The following EXOC4 variants were observed in gnomAD, a reference collection of about 807,000 sequenced individuals.
EXOC4 encodes the protein SEC8-like 1.
EXOC4 carries 71 observed loss-of-function variants against 107.2 expected under a neutral mutation model. The ratio of observed to expected loss-of-function variants is 0.66; its 90% CI spans 0.55 to 0.81. EXOC4 has a LOEUF of 0.81. EXOC4 is among the 30% of genes least tolerant of loss of function. EXOC4 has a pLI of 0.00. For missense variants in EXOC4, 1,108 were observed against 1,189.6 expected, an observed-to-expected ratio of 0.93 and a Z score of 1.01; for synonymous variants, 456 against 441.2, an observed-to-expected ratio of 1.03 and a Z score of -0.42.
rs1795746064 is a variant in EXOC4 at position 133,344,709 on chromosome 7, G to A, written c.764-11621G>A. On this transcript the variant is annotated intron_variant, in intron 5 of 17. Coordinates refer to ENST00000253861, the MANE Select transcript of EXOC4 (RefSeq NM_021807.4). ...CTTTTACATCCCATCCCTATAGTCA[G>A]CTCTGTGATCTGTCTAGATACCTTT... Among the ~76,000 whole-genome samples the A allele has an allele frequency of 2.0e-5, 3 of 152,144 alleles. No individual in the cohort carries two copies. The South Asian group carries it at 6.2e-4, about 31-fold the overall frequency.
chr7:134,063,489 A>C (rs903434369), intron 17 of EXOC4, among the ~76,000 whole-genome samples: 4 of 152,178 alleles, frequency 2.6e-5, no homozygotes, highest in African/African-American at 7.2e-5. Context: ...TGATGTGGGC[A>C]AGCCCTCTAA....
intron 4 of EXOC4, among the ~76,000 whole-genome samples, chr7:133,316,553 T>G (rs779256731): frequency 2.0e-5 from 3 of 152,196 alleles, no homozygotes; most frequent in Non-Finnish European, 2.9e-5. Context: ...GGGAATTAAT[T>G]GGAAATTTTG....
chr7:133,287,918 G>A (rs1261777994), intron 2 of EXOC4, among the ~76,000 whole-genome samples: 1 of 152,092 alleles, frequency 6.6e-6, no homozygotes, highest in African/African-American at 2.4e-5. Context: ...TAGACTCTTT[G>A]CACTGATGGA....
chr7:133,356,709 A>G, intron 6 of EXOC4, 136 bp downstream of exon 6: 1 of 1,020,298 alleles, frequency 9.8e-7, no homozygotes, highest in South Asian at 1.7e-5. Context: ...GGCCAGGCGC[A>G]GTGGCTCACG....
At chr7:133,995,979 T>G (rs1464693764) in intron 14 of EXOC4, among the ~76,000 whole-genome samples, 2 of 152,148 alleles carry the variant, frequency 1.3e-5, no homozygotes, top group African/African-American at 4.8e-5. Context: ...AGAGAGCCTC[T>G]TTCTTCCAAA....
At chr7:133,657,947 C>A (rs1412948157) in intron 10 of EXOC4, among the ~76,000 whole-genome samples, 1 of 152,166 alleles carries the variant, frequency 6.6e-6, no homozygotes, top group African/African-American at 2.4e-5. Context: ...TTCCAACCCT[C>A]ATGGTGCTCA....
intron 9 of EXOC4, among the ~76,000 whole-genome samples, chr7:133,567,705 AG>A (rs1800934907): frequency 6.6e-6 from 1 of 152,190 alleles, no homozygotes; most frequent in Non-Finnish European, 1.5e-5. Flanking sequence ...GGAAAGTCCC[AG>A]AGCATGGCAC....
chr7:134,012,009 A>T (rs1320211350), intron 17 of EXOC4, among the ~76,000 whole-genome samples: 1 of 152,232 alleles, frequency 6.6e-6, no homozygotes, highest in East Asian at 1.9e-4. Context: ...GCATACACTT[A>T]ACATCTGAAG....
Position 133,698,206 on chromosome 7 carries a change from C to T in EXOC4, c.1514+68065C>T, listed in dbSNP as rs377530604. ...TCTCTGTATCAGTGCCTTTCCGCGG[C>T]GGGGGTGGTGGTGGGGGAATCCTGG... On this transcript the variant is annotated intron_variant, in intron 10 of 17. Coordinates refer to ENST00000253861, the MANE Select transcript of EXOC4 (RefSeq NM_021807.4). 6.0e-5 allele frequency among the ~76,000 whole-genome samples: 9 copies of T among 150,792 alleles called. No individual in the cohort carries two copies. The East Asian group carries it at 1.2e-3, about 20-fold the overall frequency.
intron 17 of EXOC4, among the ~76,000 whole-genome samples, chr7:134,019,637 A>C (rs1031748903): frequency 6.6e-6 from 1 of 152,248 alleles, no homozygotes; most frequent in Admixed American, 6.5e-5. Context: ...CCTAGTTTAC[A>C]TAAGAAGAGA....
rs944946626 is a variant in EXOC4, at chr7:134,007,874, C to G, written c.2687+39C>G. The G allele has an allele frequency of 3.8e-6, 6 of 1,568,510 alleles. No individual in the cohort carries two copies. The African/African-American group carries it at 5.4e-5, about 14-fold the overall frequency. On this transcript the variant is annotated intron_variant, in intron 17 of 17. Coordinates refer to ENST00000253861, the MANE Select transcript of EXOC4 (RefSeq NM_021807.4). ...CTGGGTTTAGTTTCTTATGCCAAAG[C>G]TAAGACCTCGTTGCCTGTGAAGTCA... is the stretch of plus-strand genomic sequence containing the variant.
At chr7:133,905,888 G>C (rs927662765) in intron 12 of EXOC4, among the ~76,000 whole-genome samples, 2 of 152,096 alleles carry the variant, frequency 1.3e-5, no homozygotes, top group Admixed American at 1.3e-4. Context: ...CTGGCACGGG[G>C]CTAGGCAGCT....
chr7:133,487,642 G>A (rs1282763802), intron 9 of EXOC4, among the ~76,000 whole-genome samples: 2 of 152,260 alleles, frequency 1.3e-5, no homozygotes, highest in East Asian at 3.9e-4. Context: ...CTAGGAGGTG[G>A]AGGTTGCAGT....
chr7:133,539,182 A>G (rs2150929460), intron 9 of EXOC4, among the ~76,000 whole-genome samples: 1 of 152,296 alleles, frequency 6.6e-6, no homozygotes, highest in East Asian at 1.9e-4. Flanking sequence ...ACAGAGAGTG[A>G]GACAGAGGGC....
chr7:133,411,919 T>G (rs547551161), intron 7 of EXOC4, among the ~76,000 whole-genome samples: 1 of 152,160 alleles, frequency 6.6e-6, no homozygotes, highest in Admixed American at 6.5e-5. Context: ...AATACTTGAA[T>G]GTATGTGCTC....
At chr7:133,645,908 G>T (rs986104964) in intron 10 of EXOC4, among the ~76,000 whole-genome samples, 1 of 152,164 alleles carries the variant, frequency 6.6e-6, no homozygotes, top group Admixed American at 6.5e-5. Flanking sequence ...GATAAAGAAG[G>T]TCTTTTGTTT....
chr7:134,089,254 T>G, the EXOC4 span, among the ~76,000 whole-genome samples: 41 of 152,310 alleles, frequency 2.7e-4, no homozygotes, highest in Admixed American at 2.5e-3. Context: ...TTATCTAACT[T>G]AAAACAATCC....
In EXOC4 at chr7:134,042,238, T is replaced by C. The variant is rs1235287326; in HGVS notation, c.2688-22053T>C. Among the ~76,000 whole-genome samples, 5 of 152,224 alleles carry C rather than the reference T, an allele frequency of 3.3e-5. No individual in the cohort carries two copies. In the East Asian group the frequency reaches 7.7e-4, roughly 23 times the overall value. Reference sequence around the variant, plus strand: ...GAAATCACTTTTGGATTCCCTTGTATCTGCATCTCTGCTATAGAGTATAAA... The same window carrying C: ...GAAATCACTTTTGGATTCCCTTGTACCTGCATCTCTGCTATAGAGTATAAA... On this transcript the variant is annotated intron_variant, in intron 17 of 17. Transcript: ENST00000253861.
At chr7:133,517,969 A>C (rs1487648465) in intron 9 of EXOC4, among the ~76,000 whole-genome samples, 1 of 151,788 alleles carries the variant, frequency 6.6e-6, no homozygotes, top group African/African-American at 2.4e-5. Context: ...TCGACTATGT[A>C]GTTCTTATGA....
Sources: gnomAD v4.1 joint callset for allele counts (sites outside exome capture counted in the v4.1 genomes callset) on GRCh38, gnomAD v4.1.1 for gene constraint, MANE v1.5 for transcripts, NCBI Gene and HGNC (gene_info 2026-07-23, HGNC 2026-07-21) for gene names.